The following GPBP1L1 variants were observed in gnomAD, a reference collection of about 807,000 sequenced individuals.
GPBP1L1 encodes the protein vasculin-like protein 1.
A neutral mutation model predicts 52.5 loss-of-function variants in GPBP1L1; 23 were observed. That is an observed-to-expected ratio of 0.44 (90% CI 0.32 to 0.62). GPBP1L1 has a LOEUF of 0.62. GPBP1L1 is among the 20% of genes least tolerant of loss of function. The pLI is 0.06. For missense variants in GPBP1L1, 596 were observed against 579.3 expected (o/e 1.03, Z -0.30); for synonymous variants, 243 against 203.1 (o/e 1.20, Z -1.67).
chr1:45,661,232 A>C lies in GPBP1L1; in HGVS notation c.-1097-7T>G, dbSNP rs1455043132. 1.3e-5 allele frequency: 2 copies of C among 152,202 alleles called. No homozygotes were observed. Among genetic ancestry groups the C allele is most frequent in the African/African-American group, 4.8e-5 (2 of 41,446 alleles). 9.4% of individuals were successfully genotyped at this position (152,202 alleles called of 1,614,324 possible). ...GCCACACGAATCTATCACTCTGTAA[A>C]TGAAAAAACAAAACATAAAATCACA... On this transcript the variant is annotated splice_polypyrimidine_tract_variant and splice_region_variant and intron_variant, in intron 2 of 12. Transcript: ENST00000355105.
intron 6 of GPBP1L1, among the ~76,000 whole-genome samples, chr1:45,646,964 T>TC (rs1246807677): frequency 6.6e-6 from 1 of 152,128 alleles, no homozygotes; most frequent in Admixed American, 6.6e-5. Flanking sequence ...AACTTTTTTT[T>TC]CCCAGTTTTA....
At chr1:45,630,362 G>T in intron 11 of GPBP1L1, 120 bp downstream of exon 11, 1 of 1,197,450 alleles carries the variant, frequency 8.4e-7, no homozygotes, top group South Asian at 1.5e-5. Context: ...CAGAGAACAA[G>T]TTATGACTGG....
intron 5 of GPBP1L1, 46 bp from the exon 6 acceptor site, chr1:45,654,875 T>A (rs536116365): frequency 6.4e-7 from 1 of 1,574,398 alleles, no homozygotes; most frequent in Admixed American, 1.9e-5. Context: ...TGCTTCCTGA[T>A]TTGGTTTACG....
rs1644870421 is a variant in GPBP1L1 at position 45,655,217 on chromosome 1, T to TA, written c.162dup (p.Asn55Ter). 10 of 1,614,078 alleles carry TA rather than the reference T, an allele frequency of 6.2e-6. No individual in the cohort carries two copies. Among genetic ancestry groups the TA allele is most frequent in the Non-Finnish European group, 8.5e-6 (10 of 1,179,980 alleles). On this transcript the variant is annotated frameshift_variant, in exon 5 of 13. Coordinates refer to ENST00000355105, the MANE Select transcript of GPBP1L1 (RefSeq NM_021639.5). LOFTEE classifies it high-confidence loss of function. ...CCTGCAGTTCGTAGGGGACCATTGT[T>TA]AAAAAAACCATCAGAGGAATTATGT...
Position 45,629,560 on chromosome 1 carries a change from A to G in GPBP1L1, c.1272+16T>C. The G allele has an allele frequency of 8.6e-6, 13 of 1,504,698 alleles. No homozygotes were observed. Among genetic ancestry groups the G allele is most frequent in the Non-Finnish European group, 1.2e-5 (13 of 1,084,692 alleles). 93.2% of individuals were successfully genotyped at this position (1,504,698 alleles called of 1,614,324 possible). A position where few individuals can be genotyped will look rare whatever the true frequency, so the allele number is the denominator to read the frequency against. On this transcript the variant is annotated intron_variant, in intron 12 of 12. Coordinates refer to ENST00000355105, the MANE Select transcript of GPBP1L1 (RefSeq NM_021639.5). The stretch of plus-strand genomic sequence containing the variant: ...TGGTTACTAACTGGTCTCTAGGAAG[A>G]AGGTTTACAACATACCTGCTCTGTC...
intron 2 of GPBP1L1, among the ~76,000 whole-genome samples, chr1:45,684,304 A>AAAG (rs1416911496): frequency 3.3e-5 from 5 of 151,918 alleles, no homozygotes. Flanking sequence ...GAAGGAAAAA[A>AAAG]AAGTAAGTAA....
intron 4 of GPBP1L1, chr1:45,655,563 G>T: frequency 3.0e-6 from 1 of 331,968 alleles, no homozygotes; most frequent in Non-Finnish European, 5.4e-6. Flanking sequence ...CACTTCAATT[G>T]TTTGCATGAA....
intron 9 of GPBP1L1, 162 bp from the exon 10 acceptor site, chr1:45,633,809 G>GTTTA (rs1469131048): frequency 3.9e-6 from 3 of 768,742 alleles, no homozygotes; most frequent in Non-Finnish European, 6.1e-6. Flanking sequence ...GTTTTGCAGG[G>GTTTA]TTTATATAGT....
At chr1:45,646,432 T>G (rs563179009) in intron 6 of GPBP1L1, among the ~76,000 whole-genome samples, 1 of 152,236 alleles carries the variant, frequency 6.6e-6, no homozygotes, top group African/African-American at 2.4e-5. Flanking sequence ...CCAAAGGATA[T>G]CTTTCTTTTT....
intron 6 of GPBP1L1, among the ~76,000 whole-genome samples, chr1:45,646,956 CT>C (rs1350255312): frequency 2.0e-5 from 3 of 151,814 alleles, no homozygotes; most frequent in African/African-American, 7.3e-5. Flanking sequence ...TTCTGCCAAA[CT>C]TTTTTTTCCC....
At chr1:45,642,376 G>T in intron 7 of GPBP1L1, 51 bp downstream of exon 7, 2 of 1,258,162 alleles carry the variant, frequency 1.6e-6, no homozygotes, top group African/African-American at 1.5e-5. Flanking sequence ...TCCCCTCCCT[G>T]CTAAGAAAAA....
chr1:45,656,367 G>A (rs184730147), intron 4 of GPBP1L1, among the ~76,000 whole-genome samples: 323 of 152,238 alleles, frequency 2.1e-3, no homozygotes, highest in Non-Finnish European at 2.8e-3. Flanking sequence ...AAGGAAAACC[G>A]TAAATCGGGG....
In GPBP1L1 at chr1:45,669,625, T is replaced by C. The variant is rs74416965; in HGVS notation, c.-1097-8400A>G. On this transcript the variant is annotated intron_variant, in intron 2 of 12. Coordinates refer to ENST00000355105, the MANE Select transcript of GPBP1L1 (RefSeq NM_021639.5). ...AAAGGCTTTTGGGTATGACCCCCCC[T>C]CCAACCCCCTGCCAAAATTGAGAAA... Among the ~76,000 whole-genome samples the C allele has an allele frequency of 9.3e-3, 294 of 31,570 alleles. 1 individual carries two copies. The highest frequency in any genetic ancestry group is 0.024 in the African/African-American group (131 of 5,454). 20.7% of individuals were successfully genotyped at this position (31,570 alleles called of 152,430 possible).
chr1:45,647,744 T>A (rs1569805946), intron 6 of GPBP1L1, among the ~76,000 whole-genome samples: 1 of 152,212 alleles, frequency 6.6e-6, no homozygotes, highest in Middle Eastern at 3.4e-3. Flanking sequence ...GAAAAGCCTT[T>A]CAGCACGCTT....
At chr1:45,683,954 T>A (rs778098469) in intron 2 of GPBP1L1, among the ~76,000 whole-genome samples, 21 of 147,944 alleles carry the variant, frequency 1.4e-4, no homozygotes, top group Admixed American at 6.1e-4. Context: ...ACCAGTATAC[T>A]TATAAAAGTA....
At chr1:45,665,000 G>T (rs1239797019) in intron 2 of GPBP1L1, among the ~76,000 whole-genome samples, 2 of 151,434 alleles carry the variant, frequency 1.3e-5, no homozygotes, top group Non-Finnish European at 2.9e-5. Flanking sequence ...TAAAAAAGAT[G>T]AAAGATGGCC....
intron 2 of GPBP1L1, among the ~76,000 whole-genome samples, chr1:45,667,500 C>A (rs560699867): frequency 6.6e-6 from 1 of 152,138 alleles, no homozygotes; most frequent in Non-Finnish European, 1.5e-5. Context: ...AGCACCTCCC[C>A]GGCCAAGAGT....
intron 2 of GPBP1L1, among the ~76,000 whole-genome samples, chr1:45,664,920 C>A (rs1298074356): frequency 5.3e-5 from 8 of 152,052 alleles, no homozygotes; most frequent in Non-Finnish European, 1.2e-4. Context: ...TTGAAATGAT[C>A]CACCGCCTGG....
In GPBP1L1 at chr1:45,663,898, T is replaced by C. The variant is rs536033016; in HGVS notation, c.-1097-2673A>G. ...ACAGAACGGCTAACTGGGAGACTTCTGCTTATTACTAAAAAATTCTGAGAA... is the reference window on the plus strand; with the variant it reads ...ACAGAACGGCTAACTGGGAGACTTCCGCTTATTACTAAAAAATTCTGAGAA... On this transcript the variant is annotated intron_variant, in intron 2 of 12. Transcript: ENST00000355105. 2.6e-5 allele frequency among the ~76,000 whole-genome samples: 4 copies of C among 152,270 alleles called. No homozygotes were observed. In the East Asian group the frequency reaches 7.7e-4, roughly 29 times the overall value.
Sources: allele counts gnomAD v4.1 joint callset (sites outside exome capture counted in the v4.1 genomes callset), GRCh38; gene constraint gnomAD v4.1.1; transcripts MANE v1.5; gene names NCBI Gene and HGNC (gene_info 2026-07-23, HGNC 2026-07-21).